The following CCDC178 variants were observed in gnomAD, a reference collection of about 807,000 sequenced individuals.
The protein encoded by CCDC178 is coiled-coil domain-containing protein 178.
CCDC178 carries 126 observed loss-of-function variants against 117.4 expected under a neutral mutation model. The ratio of observed to expected loss-of-function variants is 1.07; its 90% CI spans 0.93 to 1.24. CCDC178 has a LOEUF of 1.24. CCDC178 is among the 50% of genes most tolerant of loss of function. CCDC178 has a pLI of 0.00. For synonymous variants in CCDC178, 283 were observed against 313.4 expected, an observed-to-expected ratio of 0.90 and a Z score of 1.02; for missense variants, 1,030 against 986.9, an observed-to-expected ratio of 1.04 and a Z score of -0.59.
intron 2 of CCDC178, among the ~76,000 whole-genome samples, chr18:33,422,278 A>G (rs1457871): frequency 0.81 from 122,571 of 152,102 alleles, 49,623 homozygotes; most frequent in East Asian, 1. Context: ...TTTCCCCAAT[A>G]TTATGATCTA....
intron 18 of CCDC178, among the ~76,000 whole-genome samples, chr18:33,220,838 A>T (rs893325820): frequency 5.3e-5 from 8 of 152,094 alleles, no homozygotes; most frequent in African/African-American, 1.9e-4. Context: ...GAATTGAACC[A>T]GTCATTTTTC....
intron 21 of CCDC178, among the ~76,000 whole-genome samples, chr18:33,074,305 T>G (rs1463884251): frequency 6.6e-6 from 1 of 152,136 alleles, no homozygotes; most frequent in Non-Finnish European, 1.5e-5. Context: ...AAGAAAACAT[T>G]ACGTCATTCT....
At chr18:33,335,065 C>G (rs2062721444) in intron 9 of CCDC178, among the ~76,000 whole-genome samples, 1 of 151,988 alleles carries the variant, frequency 6.6e-6, no homozygotes, top group Non-Finnish European at 1.5e-5. Flanking sequence ...ATTGGTTTTA[C>G]ATTATGCTCT....
At chr18:33,117,942 T>C (rs147261756) in intron 20 of CCDC178, among the ~76,000 whole-genome samples, 98 of 152,156 alleles carry the variant, frequency 6.4e-4, no homozygotes, top group Middle Eastern at 3.4e-3. Flanking sequence ...GCCTCCTTAT[T>C]ATTCTCATTG....
rs754581264 is a variant in CCDC178 at position 33,293,269 on chromosome 18, A to G, written c.1066T>C (p.Ser356Pro). The G allele has an allele frequency of 5.8e-6, 9 of 1,547,622 alleles. No homozygotes were observed. The African/African-American group carries it at 6.8e-5, about 12-fold the overall frequency. Residue 356 changes from serine to proline, a missense_variant, in exon 12 of 23, where the codon TCA becomes CCA. Coordinates refer to ENST00000383096, the MANE Select transcript of CCDC178 (RefSeq NM_001105528.4). ...TTAGTATTAACATTTATCACTGATGAAGAGTAATGATCAAATAGACTGTTA... is the reference window on the plus strand; with the variant it reads ...TTAGTATTAACATTTATCACTGATGGAGAGTAATGATCAAATAGACTGTTA... ...QLNSLFDHYS[S>P]SVINVNTNIE...
intron 21 of CCDC178, among the ~76,000 whole-genome samples, chr18:33,088,588 G>T (rs1011832231): frequency 1.3e-5 from 2 of 152,000 alleles, no homozygotes; most frequent in African/African-American, 4.8e-5. Flanking sequence ...GCTCATTGCT[G>T]GTATATAGAA....
In CCDC178 at chr18:33,117,611, T is replaced by C. The variant is rs572461669; in HGVS notation, c.2239-24701A>G. On this transcript the variant is annotated intron_variant, in intron 20 of 22. Transcript: ENST00000383096. ...GGGAGAGGGATAGCATTAGGAGATATACCTAATGTAAATGATGAGTTAATG... is the reference window on the plus strand; with the variant it reads ...GGGAGAGGGATAGCATTAGGAGATACACCTAATGTAAATGATGAGTTAATG... 7.6e-4 allele frequency among the ~76,000 whole-genome samples: 116 copies of C among 151,992 alleles called. 1 individual carries two copies. The highest frequency in any genetic ancestry group is 3.4e-3 in the Middle Eastern group (1 of 292).
intron 21 of CCDC178, among the ~76,000 whole-genome samples, chr18:33,005,182 C>T (rs973780753): frequency 4.6e-5 from 7 of 152,084 alleles, no homozygotes; most frequent in Admixed American, 3.9e-4. Context: ...TACTGCAGCA[C>T]TATCACAATC....
intron 9 of CCDC178, among the ~76,000 whole-genome samples, chr18:33,344,499 GTATT>G (rs1568163588): frequency 6.6e-6 from 1 of 151,912 alleles, no homozygotes; most frequent in Non-Finnish European, 1.5e-5. Flanking sequence ...AGTTCAAAAC[GTATT>G]TATTAAGTAC....
intron 5 of CCDC178, 100 bp from the exon 6 acceptor site, chr18:33,370,289 C>CCTG: frequency 1.6e-6 from 1 of 643,150 alleles, no homozygotes; most frequent in Non-Finnish European, 2.4e-6. Context: ...AGTGCTAATA[C>CCTG]TCTTAGTTTC....
At chr18:33,339,302 G>C (rs528111496) in intron 9 of CCDC178, among the ~76,000 whole-genome samples, 11 of 152,002 alleles carry the variant, frequency 7.2e-5, no homozygotes, top group South Asian at 2.1e-4. Context: ...GGAAGCAAAA[G>C]TGGACTTTTT....
intron 17 of CCDC178, among the ~76,000 whole-genome samples, chr18:33,224,564 G>GTCT: frequency 6.6e-6 from 1 of 152,116 alleles, no homozygotes; most frequent in African/African-American, 2.4e-5. Flanking sequence ...CTTTTCCCAA[G>GTCT]TACCCTCTAA....
At chr18:33,337,708 G>A (rs2144647157) in intron 9 of CCDC178, among the ~76,000 whole-genome samples, 1 of 152,248 alleles carries the variant, frequency 6.6e-6, no homozygotes, top group East Asian at 1.9e-4. Context: ...CAAGCCACAT[G>A]TAGAAGAATG....
intron 20 of CCDC178, among the ~76,000 whole-genome samples, chr18:33,104,582 C>G (rs77889686): frequency 0.025 from 3,840 of 151,748 alleles, 80 homozygotes; most frequent in East Asian, 0.1. Flanking sequence ...TTCCTCAGCC[C>G]TCTTTCTTCC....
In CCDC178 at chr18:33,136,597, C is replaced by G. The variant is rs576703505; in HGVS notation, c.2239-43687G>C. Among the ~76,000 whole-genome samples the G allele has an allele frequency of 9.9e-5, 15 of 152,218 alleles. No individual in the cohort carries two copies. The South Asian group carries it at 1.5e-3, about 15-fold the overall frequency. On this transcript the variant is annotated intron_variant, in intron 20 of 22. Coordinates refer to ENST00000383096, the MANE Select transcript of CCDC178 (RefSeq NM_001105528.4). ...ATATGTGTGGCCCACAGGATGAAGA[C>G]TTGGGGTCATATGATTTGACTGTTA...
chr18:33,194,698 TATG>T (rs2058903967), intron 20 of CCDC178, among the ~76,000 whole-genome samples: 1 of 152,066 alleles, frequency 6.6e-6, no homozygotes, highest in East Asian at 1.9e-4. Context: ...CAACAGTTGA[TATG>T]ATGATGATCT....
chr18:33,292,123 C>A, intron 12 of CCDC178, among the ~76,000 whole-genome samples: 1 of 151,984 alleles, frequency 6.6e-6, no homozygotes, highest in Non-Finnish European at 1.5e-5. Context: ...AAAGAGATAT[C>A]TACACCTTCA....
intron 20 of CCDC178, among the ~76,000 whole-genome samples, chr18:33,159,477 C>T (rs1312686506): frequency 6.6e-6 from 1 of 152,094 alleles, no homozygotes; most frequent in Non-Finnish European, 1.5e-5. Context: ...AGAGCTAGTT[C>T]CTTCTGGAGG....
At chr18:33,073,508 T>C (rs1319649486) in intron 21 of CCDC178, among the ~76,000 whole-genome samples, 1 of 15,238 alleles carries the variant, frequency 6.6e-5, no homozygotes, top group African/African-American at 2.8e-4. Flanking sequence ...AGTCAGCATC[T>C]ATCTATCTAT....
Sources: gnomAD v4.1 joint callset for allele counts (sites outside exome capture counted in the v4.1 genomes callset) on GRCh38, gnomAD v4.1.1 for gene constraint, MANE v1.5 for transcripts, NCBI Gene and HGNC (gene_info 2026-07-23, HGNC 2026-07-21) for gene names.